HECTD2: variants seen among roughly 807,000 people sequenced by gnomAD.
HECTD2 encodes HECT domain E3 ubiquitin protein ligase 2, also known as probable E3 ubiquitin-protein ligase HECTD2.
HECTD2 carries 35 observed loss-of-function variants against 103.2 expected under a neutral mutation model. The ratio of observed to expected loss-of-function variants is 0.34; its 90% confidence interval spans 0.26 to 0.45. HECTD2 has a LOEUF of 0.45. Ranked by LOEUF, HECTD2 falls within the 20% of genes least tolerant of loss-of-function variation. The pLI, the probability that HECTD2 is intolerant of heterozygous loss-of-function variation, is 1.00. For missense variants in HECTD2, 596 were observed against 937.4 expected, an observed-to-expected ratio of 0.64 and a Z score of 4.76; for synonymous variants, 281 against 329.9, an observed-to-expected ratio of 0.85 and a Z score of 1.61.
At chr10:91,430,393 G>T (rs540097286) in intron 2 of HECTD2, among the ~76,000 whole-genome samples, 2 of 152,272 alleles carry the variant, frequency 1.3e-5, no homozygotes, top group South Asian at 4.1e-4. Flanking sequence ...TGTCTATTAG[G>T]TCCGCTTGGT....
At chr10:91,497,590 TG>T (rs1846735793) in intron 15 of HECTD2, among the ~76,000 whole-genome samples, 2 of 151,198 alleles carry the variant, frequency 1.3e-5, no homozygotes, top group Non-Finnish European at 2.9e-5. Flanking sequence ...ATTACAGGCA[TG>T]AGCCACCGTG....
rs61877867 is a variant in HECTD2, at chr10:91,429,958, T to C, written c.268+4548T>C. On this transcript the variant is annotated intron_variant, in intron 2 of 20. Transcript: ENST00000298068. ...TTTGCTCTTGTTTTTCTAGTTCTTT[T>C]AACTGTGATGTTAGGGTGTCAATTT... Among the ~76,000 whole-genome samples, 1,515 of 152,302 alleles carry C rather than the reference T, an allele frequency of 9.9e-3. 13 individuals carry two copies. The highest frequency in any genetic ancestry group is 0.015 in the Non-Finnish European group (997 of 68,012).
chr10:91,498,777 G>C, intron 16 of HECTD2, 95 bp from the exon 17 acceptor site: 1 of 682,666 alleles, frequency 1.5e-6, no homozygotes, highest in Non-Finnish European at 2.5e-6. Context: ...AGAAGGAAGG[G>C]GGAAAAAAAC....
chr10:91,513,161 CTG>C lies in HECTD2; in HGVS notation c.*779_*780del, dbSNP rs897693737. The C allele has an allele frequency of 2.6e-5, 4 of 152,608 alleles. No homozygotes were observed. Among genetic ancestry groups the C allele is most frequent in the East Asian group, 3.9e-4 (2 of 5,174 alleles). The allele number at this position is 152,608 out of a possible 1,614,324, so 9.5% of individuals were successfully genotyped here. ...GCAGTAAACTAGTTACTTGTGTACT[CTG>C]TAATATTTGTATAATGATCATTTCT... On this transcript the variant is annotated 3_prime_UTR_variant, in exon 21 of 21. Transcript: ENST00000298068.
At chr10:91,500,958 A>G (rs1564736852) in intron 19 of HECTD2, among the ~76,000 whole-genome samples, 2 of 152,132 alleles carry the variant, frequency 1.3e-5, no homozygotes, top group African/African-American at 2.4e-5. Flanking sequence ...CAGGAGAAAA[A>G]TGGTTCCTGT....
chr10:91,410,542 C>T lies in HECTD2; in HGVS notation c.104C>T (p.Pro35Leu), dbSNP rs762285811. The T allele has an allele frequency of 6.8e-7, 1 of 1,463,552 alleles. No homozygotes were observed. The allele number at this position is 1,463,552 out of a possible 1,614,324, so 90.7% of individuals were successfully genotyped here. The change falls in exon 1 of 21, where the codon CCG becomes CTG. Residue 35 changes from proline (P) to leucine (L), a missense_variant. By Grantham distance (98) the Pro-to-Leu change is moderately conservative. This residue lies in a region of HECTD2 where 220 missense variants were observed against 233.9 expected (regional missense o/e 0.94). Transcript: ENST00000298068. ...AAGGAGTCAGAGCGCGAGAAGCTGC[C>T]GCCCATCGTATCGGCGGGCGCCGGC... ...KGKESEREKLPPIVSAGAGAT... is the reference protein window; with the variant it reads ...KGKESEREKLLPIVSAGAGAT...
At chr10:91,472,851 G>A (rs1238842603) in intron 5 of HECTD2, among the ~76,000 whole-genome samples, 1 of 152,108 alleles carries the variant, frequency 6.6e-6, no homozygotes, top group Non-Finnish European at 1.5e-5. Context: ...TAGAAGTAGA[G>A]AAATTAATAG....
intron 1 of HECTD2, among the ~76,000 whole-genome samples, chr10:91,417,330 CT>C (rs369977102): frequency 6.0e-5 from 9 of 149,852 alleles, no homozygotes; most frequent in East Asian, 2.0e-4. Flanking sequence ...TGAATGTGCC[CT>C]TTTTTTTTGC....
intron 8 of HECTD2, chr10:91,484,157 C>G: frequency 1.8e-6 from 1 of 550,258 alleles, no homozygotes; most frequent in Middle Eastern, 4.7e-4. Context: ...TTTCACATGT[C>G]CCCAAATGAC....
intron 7 of HECTD2, among the ~76,000 whole-genome samples, chr10:91,482,187 G>T (rs553908575): frequency 2.4e-4 from 37 of 151,954 alleles, no homozygotes; most frequent in African/African-American, 8.9e-4. Flanking sequence ...ATCAGCTGAG[G>T]TCAGTCCCAG....
chr10:91,500,412 C>T, intron 18 of HECTD2, 90 bp from the exon 19 acceptor site: 1 of 465,566 alleles, frequency 2.1e-6, no homozygotes, highest in Middle Eastern at 3.3e-4. Flanking sequence ...GAAATCATGA[C>T]TTTTGTGATT....
rs1447814780 is a variant in HECTD2, at chr10:91,514,198, A to G, written c.*1814A>G. 4 of 152,648 alleles carry G rather than the reference A, an allele frequency of 2.6e-5. No individual in the cohort carries two copies. The highest frequency in any genetic ancestry group is 5.9e-5 in the Non-Finnish European group (4 of 68,032). 9.5% of individuals were successfully genotyped at this position (152,648 alleles called of 1,614,324 possible). A position where few individuals can be genotyped will look rare whatever the true frequency, so the allele number is the denominator to read the frequency against. ...TGTAAACAGTTTTTATTTGGTAGAG[A>G]TGACTCATGGAAAAATTGTGTTGGC... On this transcript the variant is annotated 3_prime_UTR_variant, in exon 21 of 21. Transcript: ENST00000298068.
chr10:91,437,177 G>T (rs552097146), intron 2 of HECTD2, among the ~76,000 whole-genome samples: 1 of 152,022 alleles, frequency 6.6e-6, no homozygotes. Flanking sequence ...TATGTAATTT[G>T]TGTGGAGATC....
intron 15 of HECTD2, among the ~76,000 whole-genome samples, chr10:91,497,287 CTTTT>C (rs549997514): frequency 1.7e-5 from 2 of 118,854 alleles, no homozygotes; most frequent in Non-Finnish European, 3.6e-5. Context: ...GAAAATGTTT[CTTTT>C]TTTTTTTTTT....
chr10:91,504,050 A>G (rs1020787746), intron 20 of HECTD2, among the ~76,000 whole-genome samples: 14 of 152,116 alleles, frequency 9.2e-5, no homozygotes, highest in Non-Finnish European at 1.6e-4. Flanking sequence ...ACTCCAACAG[A>G]CCTGCACCTG....
At chr10:91,410,163 G>A (rs1326738288), upstream of HECTD2, 6 of 151,956 alleles carry the variant, frequency 3.9e-5, no homozygotes, top group East Asian at 3.9e-4. Context: ...CGGCGCTCCC[G>A]ACCCGCGACG....
In HECTD2 at chr10:91,493,413, T is replaced by G; in HGVS notation, c.1433-7T>G. 1 of 1,472,380 alleles carries G rather than the reference T, an allele frequency of 6.8e-7. No homozygotes were observed. The highest frequency in any genetic ancestry group is 9.1e-7 in the Non-Finnish European group (1 of 1,101,322). 91.2% of individuals were successfully genotyped at this position (1,472,380 alleles called of 1,614,324 possible). ...TTAATAATAACATTATTCGTGTGTT[T>G]TTTTAGGCATGTTTACATATCACAA... On this transcript the variant is annotated splice_polypyrimidine_tract_variant and splice_region_variant and intron_variant, in intron 13 of 20. Transcript: ENST00000298068.
chr10:91,479,556 A>T (rs1239526375), intron 6 of HECTD2, among the ~76,000 whole-genome samples: 1 of 152,140 alleles, frequency 6.6e-6, no homozygotes, highest in East Asian at 1.9e-4. Context: ...ATGTCTGACT[A>T]ATAACTTAGA....
At chr10:91,435,629 C>T (rs1470735359) in intron 2 of HECTD2, among the ~76,000 whole-genome samples, 1 of 152,018 alleles carries the variant, frequency 6.6e-6, no homozygotes, top group Admixed American at 6.6e-5. Context: ...TCAGATGTCT[C>T]TCTACCTCTG....
Sources: allele counts gnomAD v4.1 joint callset (sites outside exome capture counted in the v4.1 genomes callset), GRCh38; gene constraint gnomAD v4.1.1; regional missense constraint gnomAD v4.1.1; transcripts MANE v1.5; gene names NCBI Gene and HGNC (gene_info 2026-07-23, HGNC 2026-07-21).